Variants in LPP observed in about 807,000 individuals in gnomAD.
LPP encodes lipoma-preferred partner.
Under a neutral mutation model 60.4 loss-of-function variants are expected in LPP, and 38 were observed. That is an observed-to-expected ratio of 0.63 (90% CI 0.49 to 0.83). The LOEUF (loss-of-function observed/expected upper bound fraction) is 0.83, where lower values mean the gene tolerates loss of function less well. Ranked by LOEUF, LPP falls within the 40% of genes least tolerant of loss-of-function variation. The pLI is 0.00. For missense variants in LPP, 902 were observed against 783.6 expected, an observed-to-expected ratio of 1.15 and a Z score of -1.80; for synonymous variants, 328 against 290.8, an observed-to-expected ratio of 1.13 and a Z score of -1.30.
intron 8 of LPP, among the ~76,000 whole-genome samples, chr3:188,732,676 C>T (rs1294030956): frequency 1.4e-5 from 2 of 143,906 alleles, no homozygotes; most frequent in Non-Finnish European, 3.0e-5. Context: ...CAAGATCACA[C>T]CACTGTGTTC....
At chr3:188,685,974 G>T (rs954717006) in intron 7 of LPP, among the ~76,000 whole-genome samples, 1 of 152,112 alleles carries the variant, frequency 6.6e-6, no homozygotes, top group African/African-American at 2.4e-5. Context: ...ATGTAGTCAA[G>T]GCGCTTCCCT....
intron 2 of LPP, among the ~76,000 whole-genome samples, chr3:188,295,168 G>A (rs538066386): frequency 8.5e-5 from 13 of 152,242 alleles, no homozygotes; most frequent in Non-Finnish European, 1.6e-4. Flanking sequence ...TTAAGTATCC[G>A]GTGAAACCAA....
intron 6 of LPP, among the ~76,000 whole-genome samples, chr3:188,561,667 C>T (rs1003043880): frequency 2.0e-5 from 3 of 151,958 alleles, no homozygotes; most frequent in African/African-American, 4.8e-5. Flanking sequence ...CTTTTCCACC[C>T]TATTTGGTAA....
At chr3:188,694,269 C>T (rs1032906341) in intron 7 of LPP, among the ~76,000 whole-genome samples, 1 of 152,146 alleles carries the variant, frequency 6.6e-6, no homozygotes, top group African/African-American at 2.4e-5. Context: ...TTTCCCTTTG[C>T]CCACCTTTAG....
chr3:188,240,738 T>C (rs556836041), intron 2 of LPP, among the ~76,000 whole-genome samples: 2 of 152,170 alleles, frequency 1.3e-5, no homozygotes, highest in Admixed American at 6.5e-5. Context: ...CAGACATGGT[T>C]TTGGTGGGAG....
At chr3:188,260,174 G>C (rs1733080997) in intron 2 of LPP, among the ~76,000 whole-genome samples, 1 of 152,026 alleles carries the variant, frequency 6.6e-6, no homozygotes, top group Admixed American at 6.6e-5. Context: ...CAAGTAGCTA[G>C]GATTACAGGC....
intron 4 of LPP, among the ~76,000 whole-genome samples, chr3:188,480,889 A>G (rs1804589006): frequency 6.6e-6 from 1 of 152,218 alleles, no homozygotes; most frequent in Admixed American, 6.5e-5. Flanking sequence ...CCTAGGAATG[A>G]AAGCCGCATG....
At chr3:188,613,158 G>A (rs1436813017) in intron 7 of LPP, among the ~76,000 whole-genome samples, 2 of 151,904 alleles carry the variant, frequency 1.3e-5, no homozygotes, top group Non-Finnish European at 2.9e-5. Flanking sequence ...AGATGCAGTG[G>A]AATCTCTTCT....
chr3:188,522,525 T>C (rs1819161421), intron 5 of LPP, among the ~76,000 whole-genome samples: 1 of 152,108 alleles, frequency 6.6e-6, no homozygotes, highest in South Asian at 2.1e-4. Flanking sequence ...CAAAAATACT[T>C]ACTGAACACT....
intron 8 of LPP, among the ~76,000 whole-genome samples, chr3:188,714,508 T>C (rs772791162): frequency 6.6e-6 from 1 of 152,118 alleles, no homozygotes; most frequent in East Asian, 1.9e-4. Context: ...AAATCACTAA[T>C]AGCCACCGTT....
chr3:188,416,207 A>G (rs1266034601), intron 4 of LPP, among the ~76,000 whole-genome samples: 1 of 152,198 alleles, frequency 6.6e-6, no homozygotes, highest in East Asian at 1.9e-4. Flanking sequence ...AATTGCTTGC[A>G]TGATACTTTG....
chr3:188,316,236 C>A (rs1158887480), intron 2 of LPP, among the ~76,000 whole-genome samples: 1 of 152,144 alleles, frequency 6.6e-6, no homozygotes, highest in Non-Finnish European at 1.5e-5. Context: ...CAGGATCGTG[C>A]CATTGCACTC....
Position 188,883,732 on chromosome 3 carries a change from C to CAAAAAAAA in LPP, c.*9268_*9275dup, listed in dbSNP as rs71169028. ...TGGGCGACAGAACGAGACTCCGTCT[C>CAAAAAAAA]AAAAAAAAAAAAAAAAAAAAAAGGT... On this transcript the variant is annotated 3_prime_UTR_variant, in exon 12 of 12. Coordinates refer to ENST00000617246, the MANE Select transcript of LPP (RefSeq NM_001375462.1). The CAAAAAAAA allele has an allele frequency of 3.5e-3, 246 of 70,246 alleles. 6 individuals carry two copies. The highest frequency in any genetic ancestry group is 3.9e-3 in the Non-Finnish European group (158 of 40,376). 4.4% of individuals were successfully genotyped at this position (70,246 alleles called of 1,614,324 possible).
chr3:188,841,354 C>G (rs1374133450), intron 9 of LPP, among the ~76,000 whole-genome samples: 2 of 150,724 alleles, frequency 1.3e-5, no homozygotes, highest in South Asian at 2.1e-4. Context: ...CTACTCCTGC[C>G]TCTTCTAGTC....
chr3:188,293,307 G>A (rs1397611546), intron 2 of LPP, among the ~76,000 whole-genome samples: 1 of 152,242 alleles, frequency 6.6e-6, no homozygotes, highest in Non-Finnish European at 1.5e-5. Context: ...TTCTAAGCCT[G>A]CCCGCCTGGG....
At position 188,154,271 on chromosome 3, in the gene LPP, C is replaced by T. The variant is rs1453860840; in HGVS notation, c.-190+19C>T. On this transcript the variant is annotated intron_variant, in intron 1 of 11. Transcript: ENST00000617246. Reference sequence around the variant, plus strand: ...CCCTGAGGTATTGTTGCAAATCCTTCCTTCCCCTCACCCTCCACCCGCGGG... The same window carrying T: ...CCCTGAGGTATTGTTGCAAATCCTTTCTTCCCCTCACCCTCCACCCGCGGG... 6.6e-6 allele frequency among the ~76,000 whole-genome samples: 1 copy of T among 152,038 alleles called. No homozygotes were observed. The highest frequency in any genetic ancestry group is 2.4e-5 in the African/African-American group (1 of 41,426).
chr3:188,741,142 C>T (rs16863569), intron 8 of LPP, among the ~76,000 whole-genome samples: 2 of 150,264 alleles, frequency 1.3e-5, no homozygotes, highest in South Asian at 2.1e-4. Flanking sequence ...TTTTCCGAAA[C>T]GTGTTATTTA....
intron 8 of LPP, among the ~76,000 whole-genome samples, chr3:188,714,726 T>C (rs1279758676): frequency 6.6e-6 from 1 of 152,194 alleles, no homozygotes; most frequent in African/African-American, 2.4e-5. Flanking sequence ...GATAAAGCAG[T>C]TGGATGAGTC....
chr3:188,612,584 G>A (rs1298111300), intron 7 of LPP, among the ~76,000 whole-genome samples: 1 of 152,120 alleles, frequency 6.6e-6, no homozygotes. Flanking sequence ...ATTAATGATT[G>A]CAAAAGGCTT....
Sources: gnomAD v4.1 joint callset for allele counts (sites outside exome capture counted in the v4.1 genomes callset) on GRCh38, gnomAD v4.1.1 for gene constraint, MANE v1.5 for transcripts, NCBI Gene and HGNC (gene_info 2026-07-23, HGNC 2026-07-21) for gene names.